TXNL1: variants seen among roughly 807,000 people sequenced by gnomAD.
TXNL1 encodes the protein thioredoxin like 1.
A neutral mutation model predicts 35.5 loss-of-function variants in TXNL1; 14 were observed. The observed-to-expected ratio is 0.39, with a 90% CI of 0.26 to 0.62. The LOEUF (loss-of-function observed/expected upper bound fraction) is 0.62. Ranked by LOEUF, TXNL1 falls within the 20% of genes least tolerant of loss-of-function variation. The pLI is 0.47. For synonymous variants in TXNL1, 110 were observed against 115.5 expected (o/e 0.95, Z 0.31); for missense variants, 263 against 349.7 (o/e 0.75, Z 1.98).
chr18:56,616,054 C>T (rs1420311473), intron 5 of TXNL1, among the ~76,000 whole-genome samples, 191 bp downstream of exon 5: 1 of 151,656 alleles, frequency 6.6e-6, no homozygotes, highest in Non-Finnish European at 1.5e-5. Context: ...ATCACTTGAA[C>T]CCAGGAGGCA....
rs147501961 is a variant in TXNL1 at position 56,603,599 on chromosome 18, T to C, written c.841-543A>G. Among the ~76,000 whole-genome samples, 271 of 152,236 alleles carry C rather than the reference T, an allele frequency of 1.8e-3. 1 individual carries two copies. Among genetic ancestry groups the C allele is most frequent in the Middle Eastern group, 6.8e-3 (2 of 294 alleles). On this transcript the variant is annotated intron_variant, in intron 7 of 7. Transcript: ENST00000217515. ...TTTAAGAGTACTATTAAAAATGAAATGAATAAACCTTGTTTCTGTCAATGA... is the reference window on the plus strand; with the variant it reads ...TTTAAGAGTACTATTAAAAATGAAACGAATAAACCTTGTTTCTGTCAATGA...
rs373360019 is a variant in TXNL1, at chr18:56,627,938, T to C, written c.99-1481A>G. 7.3e-4 allele frequency among the ~76,000 whole-genome samples: 110 copies of C among 151,434 alleles called. 2 individuals carry two copies. In the South Asian group the frequency reaches 0.022, roughly 30 times the overall value. Reference sequence around the variant, plus strand: ...AACCTTTTATTCATCAAAAAATGTCTTTAAGAGACTAGGAAAAAGTATTTG... The same window carrying C: ...AACCTTTTATTCATCAAAAAATGTCCTTAAGAGACTAGGAAAAAGTATTTG... On this transcript the variant is annotated intron_variant, in intron 1 of 7. Coordinates refer to ENST00000217515, the MANE Select transcript of TXNL1 (RefSeq NM_004786.3).
At chr18:56,624,195 T>C (rs1487754650) in intron 3 of TXNL1, 93 bp downstream of exon 3, 33 of 1,341,322 alleles carry the variant, frequency 2.5e-5, no homozygotes, top group South Asian at 9.8e-5. Flanking sequence ...CAGTAAGAGA[T>C]AGAAGATGGA....
At chr18:56,638,253 G>T in intron 1 of TXNL1, 90 bp downstream of exon 1, 1 of 1,363,058 alleles carries the variant, frequency 7.3e-7, no homozygotes, top group Non-Finnish European at 1.0e-6. Flanking sequence ...CTCCGGGGCA[G>T]CAGACGGCTA....
chr18:56,606,430 C>T (rs1266609454), intron 7 of TXNL1, among the ~76,000 whole-genome samples: 2 of 152,160 alleles, frequency 1.3e-5, no homozygotes, highest in Non-Finnish European at 2.9e-5. Context: ...CTAATTCAGA[C>T]TGAGCAAACA....
At chr18:56,623,949 A>G (rs1192320250) in intron 3 of TXNL1, among the ~76,000 whole-genome samples, 1 of 152,214 alleles carries the variant, frequency 6.6e-6, no homozygotes, top group Non-Finnish European at 1.5e-5. Flanking sequence ...TGAAAAAAAA[A>G]TTTCTAATGC....
rs2023833402 is a variant in TXNL1, at chr18:56,603,056, C to T, written c.841G>A (p.Val281Ile). The T allele has an allele frequency of 6.2e-7, 1 of 1,612,782 alleles. No homozygotes were observed. Residue 281 changes from valine to isoleucine, a missense_variant and splice_region_variant, in exon 8 of 8, where the codon GTA (valine) becomes ATA (isoleucine). By Grantham distance (29) the Val-to-Ile change is conservative. Transcript: ENST00000217515. ...QATNMNDFKR[V>I]VGKKGESH ...TGGCTTTCTCCTTTTTTGCCAACTA[C>T]CTAGAAAAACAAAAATAAGTTTATA...
At position 56,600,689 on chromosome 18, in the gene TXNL1, A is replaced by G. The variant is rs1445075051; in HGVS notation, c.*2338T>C. The G allele has an allele frequency of 6.6e-6, 1 of 151,588 alleles. No individual in the cohort carries two copies. 9.4% of individuals were successfully genotyped at this position (151,588 alleles called of 1,614,324 possible). ...ACAACGTGGGGCAGGTTTCAACTCTAATTGTTACGTGGCTGCCTCCAACAG... is the reference window on the plus strand; with the variant it reads ...ACAACGTGGGGCAGGTTTCAACTCTGATTGTTACGTGGCTGCCTCCAACAG... On this transcript the variant is annotated 3_prime_UTR_variant, in exon 8 of 8. Coordinates refer to ENST00000217515, the MANE Select transcript of TXNL1 (RefSeq NM_004786.3).
chr18:56,618,000 T>A lies in TXNL1; in HGVS notation c.492+4A>T. The stretch of plus-strand genomic sequence containing the variant: ...CCACAAGCTTATCTTCAGCCCTCAA[T>A]TACCTGTTCATCACAGTCAGATTCC... On this transcript the variant is annotated splice_donor_region_variant and intron_variant, in intron 4 of 7. Coordinates refer to ENST00000217515, the MANE Select transcript of TXNL1 (RefSeq NM_004786.3). 1 of 1,613,796 alleles carries A rather than the reference T, an allele frequency of 6.2e-7. No homozygotes were observed. Among genetic ancestry groups the A allele is most frequent in the South Asian group, 1.1e-5 (1 of 91,060 alleles).
intron 5 of TXNL1, among the ~76,000 whole-genome samples, chr18:56,615,480 C>G (rs77559306): frequency 1.6e-5 from 2 of 124,856 alleles, no homozygotes; most frequent in Admixed American, 8.2e-5. Context: ...TGGGGGGGGG[C>G]AAAAAAGGAA....
intron 1 of TXNL1, among the ~76,000 whole-genome samples, chr18:56,635,226 C>G (rs374886109): frequency 1.3e-5 from 2 of 152,216 alleles, no homozygotes; most frequent in African/African-American, 2.4e-5. Context: ...AAACTGCACT[C>G]CAGCCTGGGC....
At chr18:56,615,772 C>G (rs566006474) in intron 5 of TXNL1, among the ~76,000 whole-genome samples, 1 of 152,232 alleles carries the variant, frequency 6.6e-6, no homozygotes, top group African/African-American at 2.4e-5. Flanking sequence ...ACTAAGTTCT[C>G]TTTCTTTCAT....
At chr18:56,617,825 C>A (rs892164070) in intron 4 of TXNL1, among the ~76,000 whole-genome samples, 179 bp downstream of exon 4, 5 of 151,544 alleles carry the variant, frequency 3.3e-5, no homozygotes, top group African/African-American at 4.9e-5. Context: ...CATACAAGAA[C>A]AAAGAAGGTG....
Position 56,638,273 on chromosome 18 carries a change from G to C in TXNL1, c.98+70C>G, listed in dbSNP as rs143199968. On this transcript the variant is annotated intron_variant, in intron 1 of 7. Transcript: ENST00000217515. ...GGGCAGCAGACGGCTAGGAAACCAGGGCCAACAAAGAGTGAAAGGAAAGCA... is the reference window on the plus strand; with the variant it reads ...GGGCAGCAGACGGCTAGGAAACCAGCGCCAACAAAGAGTGAAAGGAAAGCA... 1,638 of 1,472,892 alleles carry C rather than the reference G, an allele frequency of 1.1e-3. 6 individuals are homozygous for C. In the African/African-American group the frequency reaches 0.012, roughly 11 times the overall value. 91.2% of individuals were successfully genotyped at this position (1,472,892 alleles called of 1,614,324 possible). A position where few individuals can be genotyped will look rare whatever the true frequency, so the allele number is the denominator to read the frequency against.
chr18:56,617,615 C>A (rs943937347), intron 4 of TXNL1, among the ~76,000 whole-genome samples: 1 of 152,154 alleles, frequency 6.6e-6, no homozygotes, highest in Non-Finnish European at 1.5e-5. Flanking sequence ...AGGTTTCTAT[C>A]TAGGAGAAAG....
intron 1 of TXNL1, among the ~76,000 whole-genome samples, chr18:56,635,882 T>C (rs935112498): frequency 3.3e-5 from 5 of 152,234 alleles, no homozygotes; most frequent in Non-Finnish European, 5.9e-5. Flanking sequence ...CCATATACTT[T>C]AAATCATCTC....
intron 5 of TXNL1, 113 bp downstream of exon 5, chr18:56,616,132 A>AT: frequency 5.5e-6 from 1 of 182,122 alleles, no homozygotes; most frequent in Non-Finnish European, 9.8e-6. Flanking sequence ...ACTCTGTCTC[A>AT]AAAAAAAAAA....
intron 1 of TXNL1, among the ~76,000 whole-genome samples, chr18:56,635,159 G>A (rs1200146301): frequency 6.6e-6 from 1 of 152,168 alleles, no homozygotes. Context: ...TTGAGAGGCT[G>A]ATGTGGGAGG....
chr18:56,625,092 TATAA>T (rs1284818793), intron 2 of TXNL1, among the ~76,000 whole-genome samples: 1 of 151,986 alleles, frequency 6.6e-6, no homozygotes, highest in Non-Finnish European at 1.5e-5. Flanking sequence ...TCATGACAAG[TATAA>T]AGGAAACAGT....
Sources: gnomAD v4.1 joint callset for allele counts (sites outside exome capture counted in the v4.1 genomes callset) on GRCh38, gnomAD v4.1.1 for gene constraint, MANE v1.5 for transcripts, NCBI Gene and HGNC (gene_info 2026-07-23, HGNC 2026-07-21) for gene names.